CTIF: variants seen among roughly 807,000 people sequenced by gnomAD.
CTIF encodes CBP80/20-dependent translation initiation factor.
A neutral mutation model predicts 66.0 loss-of-function variants in CTIF; 21 were observed. The ratio of observed to expected loss-of-function variants is 0.32; its 90% CI spans 0.23 to 0.46. The LOEUF (loss-of-function observed/expected upper bound fraction) is 0.46. Among genes scored for constraint, CTIF ranks in the 20% least tolerant of loss-of-function variants. The pLI, the probability that CTIF is intolerant of heterozygous loss-of-function variation, is 1.00. For synonymous variants in CTIF, 345 were observed against 326.4 expected, an observed-to-expected ratio of 1.06 and a Z score of -0.62; for missense variants, 739 against 812.7, an observed-to-expected ratio of 0.91 and a Z score of 1.10.
chr18:48,666,245 T>C (rs34197118), intron 5 of CTIF, among the ~76,000 whole-genome samples: 11,393 of 152,256 alleles, frequency 0.075, 468 homozygotes, highest in South Asian at 0.1. Context: ...TTAGTGACTT[T>C]ACTGGACACT....
chr18:48,761,532 A>C lies in CTIF; in HGVS notation c.1214A>C (p.Asn405Thr), dbSNP rs769448324. The C allele has an allele frequency of 1.9e-6, 3 of 1,613,986 alleles. No individual in the cohort carries two copies. Among genetic ancestry groups the C allele is most frequent in the Non-Finnish European group, 2.5e-6 (3 of 1,180,042 alleles). ...TFMEEAQNST[N>T]SEEMLGEIVR... ...ATGGAGGAGGCCCAGAACTCCACCA[A>C]CTCCGAGGAGATGCTGGGCGAGATC... Residue 405 changes from asparagine (N) to threonine (T), a missense_variant, in exon 9 of 12, where the codon AAC becomes ACC. By Grantham distance (65) the Asn-to-Thr change is moderately conservative. Around this residue, in one of 2 missense-constraint regions of CTIF, gnomAD observed 210 missense variants for 292.3 expected, o/e 0.72. Coordinates refer to ENST00000256413, the MANE Select transcript of CTIF (RefSeq NM_014772.3). The surrounding 1 kb of genome is among the most constrained non-coding windows in gnomAD (Gnocchi z 4.2).
At chr18:48,785,342 C>T (rs1321570889) in intron 9 of CTIF, among the ~76,000 whole-genome samples, 1 of 152,196 alleles carries the variant, frequency 6.6e-6, no homozygotes, top group Non-Finnish European at 1.5e-5. Context: ...GAAATGAAAC[C>T]TGACTTGGGA....
At chr18:48,657,182 A>T (rs1015059930) in intron 3 of CTIF, among the ~76,000 whole-genome samples, 1 of 152,208 alleles carries the variant, frequency 6.6e-6, no homozygotes, top group African/African-American at 2.4e-5. Flanking sequence ...AGTGAGGTAG[A>T]TTTCTAGCCA....
intron 7 of CTIF, among the ~76,000 whole-genome samples, chr18:48,747,751 TA>T (rs10711852): frequency 0.29 from 40,801 of 141,360 alleles, 6,088 homozygotes; most frequent in African/African-American, 0.4. Flanking sequence ...CTACAAAAAT[TA>T]AAAAAAAAAA....
intron 5 of CTIF, 33 bp downstream of exon 5, chr18:48,664,584 G>A (rs1469434368): frequency 1.3e-6 from 2 of 1,586,990 alleles, no homozygotes; most frequent in Admixed American, 3.3e-5. Context: ...CCCAGGGTGG[G>A]GTGGGGCAGG....
chr18:48,833,992 C>A (rs1253975861), intron 10 of CTIF, among the ~76,000 whole-genome samples: 1 of 152,134 alleles, frequency 6.6e-6, no homozygotes, highest in Non-Finnish European at 1.5e-5. Flanking sequence ...AGAAGGGACC[C>A]CAGCTCTTGC....
intron 6 of CTIF, among the ~76,000 whole-genome samples, chr18:48,681,013 C>T (rs548110874): frequency 2.6e-5 from 4 of 152,216 alleles, no homozygotes; most frequent in East Asian, 3.9e-4. Flanking sequence ...GAATGGGCCT[C>T]GGCTCCCAGG....
chr18:48,734,371 G>A (rs557844217), intron 7 of CTIF, among the ~76,000 whole-genome samples: 7 of 152,324 alleles, frequency 4.6e-5, no homozygotes, highest in Middle Eastern at 3.4e-3. Context: ...TTCAAGACAG[G>A]CTTGGCCAAC....
rs112177138 is a variant in CTIF at position 48,646,992 on chromosome 18, T to C, written c.252+10307T>C. On this transcript the variant is annotated intron_variant, in intron 3 of 11. Coordinates refer to ENST00000256413, the MANE Select transcript of CTIF (RefSeq NM_014772.3). ...CTCCTGGGTGTTTATCCCAGAGCAATGAAAACTTATGTTCACACAAAAACT... is the reference window on the plus strand; with the variant it reads ...CTCCTGGGTGTTTATCCCAGAGCAACGAAAACTTATGTTCACACAAAAACT... 4.8e-3 allele frequency among the ~76,000 whole-genome samples: 696 copies of C among 145,848 alleles called. 8 individuals carry two copies. The highest frequency in any genetic ancestry group is 0.016 in the African/African-American group (633 of 39,816).
At chr18:48,748,040 C>A (rs1907418456) in intron 7 of CTIF, among the ~76,000 whole-genome samples, 1 of 152,126 alleles carries the variant, frequency 6.6e-6, no homozygotes, top group Admixed American at 6.5e-5. Context: ...GCCCTTTCCA[C>A]CAGTCCCAAG....
In CTIF at chr18:48,610,719, T is replaced by C. The variant is rs551159477; in HGVS notation, c.-28-8819T>C. ...GGCCAGCCATGCCCTGCCCACCTCA[T>C]GAAAACTGGTCCAGCTCCTCAGTGA... On this transcript the variant is annotated intron_variant, in intron 1 of 11. Transcript: ENST00000256413. 2.6e-5 allele frequency among the ~76,000 whole-genome samples: 4 copies of C among 152,336 alleles called. 1 individual carries two copies. In the South Asian group the frequency reaches 8.3e-4, roughly 32 times the overall value.
At chr18:48,766,158 T>G (rs546554505) in intron 9 of CTIF, among the ~76,000 whole-genome samples, 30 of 139,124 alleles carry the variant, frequency 2.2e-4, no homozygotes, top group African/African-American at 7.8e-4. Flanking sequence ...CATGTTGTCT[T>G]TATTAGGTCA....
At chr18:48,827,486 C>T (rs1381809624) in intron 10 of CTIF, among the ~76,000 whole-genome samples, 2 of 152,176 alleles carry the variant, frequency 1.3e-5, no homozygotes, top group African/African-American at 4.8e-5. Flanking sequence ...CGGCAGAGAG[C>T]AACTCCCCAG....
rs190849410 is a variant in CTIF at position 48,658,252 on chromosome 18, T to C, written c.253-5500T>C. Among the ~76,000 whole-genome samples, 715 of 151,986 alleles carry C rather than the reference T, an allele frequency of 4.7e-3. 11 individuals carry two copies. The highest frequency in any genetic ancestry group is 0.016 in the African/African-American group (681 of 41,420). On this transcript the variant is annotated intron_variant, in intron 3 of 11. Coordinates refer to ENST00000256413, the MANE Select transcript of CTIF (RefSeq NM_014772.3). Reference sequence around the variant, plus strand: ...TGTGTGTATATGCCTGTGTGCATGGTGTGTATATGTGTCTTGTATGTATAT... The same window carrying C: ...TGTGTGTATATGCCTGTGTGCATGGCGTGTATATGTGTCTTGTATGTATAT...
chr18:48,743,028 C>G (rs72911675), intron 7 of CTIF, among the ~76,000 whole-genome samples: 1,599 of 152,298 alleles, frequency 0.01, 14 homozygotes, highest in Non-Finnish European at 0.016. Context: ...ATTTTTTACC[C>G]ATAATGGACA....
intron 3 of CTIF, among the ~76,000 whole-genome samples, chr18:48,660,516 T>C (rs1380052542): frequency 6.6e-6 from 1 of 152,200 alleles, no homozygotes; most frequent in African/African-American, 2.4e-5. Flanking sequence ...GGGAGCACAT[T>C]TCCCTGACCC....
chr18:48,626,544 T>G (rs904767550), intron 2 of CTIF, among the ~76,000 whole-genome samples: 5 of 151,064 alleles, frequency 3.3e-5, no homozygotes, highest in African/African-American at 1.2e-4. Context: ...AGACGGAGTT[T>G]CACTATGTTG....
In CTIF at chr18:48,636,678, C is replaced by T. The variant is rs2277712; in HGVS notation, c.245C>T (p.Pro82Leu). 0.045 allele frequency: 71,074 copies of T among 1,597,046 alleles called. 2,119 individuals are homozygous for T. The highest frequency in any genetic ancestry group is 0.11 in the East Asian group (5,014 of 43,728). Residue 82 changes from proline to leucine, a missense_variant, in exon 3 of 12, where the codon CCA becomes CTA. Transcript: ENST00000256413. ...TCCTTCTCCCGAGGGCGAGCCCCCC[C>T]ACAGCAGGTAGGGAACCAGCTCTGC... is the stretch of plus-strand genomic sequence containing the variant. ...SCSFSRGRAP[P>L]QQNGSKDNSL...
At chr18:48,580,692 C>G (rs912806585) in intron 1 of CTIF, among the ~76,000 whole-genome samples, 3 of 152,196 alleles carry the variant, frequency 2.0e-5, no homozygotes, top group African/African-American at 7.2e-5. Context: ...TTTACCGGAC[C>G]GTCGTCTTTC....
Sources: allele counts gnomAD v4.1 joint callset (sites outside exome capture counted in the v4.1 genomes callset), GRCh38; gene constraint gnomAD v4.1.1; regional missense constraint gnomAD v4.1.1; non-coding constraint Gnocchi (gnomAD v3.1); transcripts MANE v1.5; gene names NCBI Gene and HGNC (gene_info 2026-07-23, HGNC 2026-07-21).